EYS: variants seen among roughly 807,000 people sequenced by gnomAD.
The protein encoded by EYS is protein eyes shut homolog.
In EYS, 250 loss-of-function variants were observed where a neutral mutation model predicts 282.1. That is an observed-to-expected ratio of 0.89 (90% CI 0.80 to 0.98). The LOEUF is 0.98. Among genes scored for constraint, EYS ranks in the 50% least tolerant of loss-of-function variants. The pLI is 0.00. For synonymous variants in EYS, 1,355 were observed against 1,282.9 expected (o/e 1.06, Z -1.20); for missense variants, 4,016 against 3,709.0 (o/e 1.08, Z -2.15).
intron 16 of EYS, among the ~76,000 whole-genome samples, chr6:64,908,381 T>C (rs960395294): frequency 5.3e-5 from 8 of 152,062 alleles, no homozygotes; most frequent in South Asian, 2.1e-4. Context: ...AGTGCTCCTT[T>C]AGTTCCACCA....
chr6:64,105,456 A>C (rs1772977976), intron 31 of EYS, among the ~76,000 whole-genome samples: 1 of 152,102 alleles, frequency 6.6e-6, no homozygotes. Flanking sequence ...ACATCGTCAA[A>C]GTCTATAGTT....
At chr6:63,878,881 C>A (rs199897362) in intron 35 of EYS, among the ~76,000 whole-genome samples, 1 of 152,160 alleles carries the variant, frequency 6.6e-6, no homozygotes, top group African/African-American at 2.4e-5. Context: ...CTGTCATGGC[C>A]TCCCTTGGCT....
At chr6:64,261,025 G>A (rs955191408) in intron 30 of EYS, among the ~76,000 whole-genome samples, 10 of 151,106 alleles carry the variant, frequency 6.6e-5, no homozygotes, top group Admixed American at 6.6e-5. Flanking sequence ...TTTTGTGTTC[G>A]GAATATTCCA....
intron 36 of EYS, among the ~76,000 whole-genome samples, chr6:63,837,276 A>G (rs993783977): frequency 3.3e-5 from 5 of 152,108 alleles, no homozygotes; most frequent in South Asian, 4.1e-4. Context: ...AATTAAAAAC[A>G]GTTTGCAAAT....
rs946093624 is a variant in EYS, at chr6:64,438,980, A to T, written c.5835+182T>A. On this transcript the variant is annotated intron_variant, in intron 27 of 42. Transcript: ENST00000503581. ...TAAATCAGTTTTTTTGCTTAAAAAT[A>T]CTTGGTTGTTGTTGGTTCATATATA... Among the ~76,000 whole-genome samples the T allele has an allele frequency of 5.9e-5, 9 of 151,812 alleles. No individual in the cohort carries two copies. The East Asian group carries it at 1.7e-3, about 29-fold the overall frequency.
At chr6:65,373,378 C>T (rs1765235072) in intron 8 of EYS, among the ~76,000 whole-genome samples, 1 of 152,030 alleles carries the variant, frequency 6.6e-6, no homozygotes, top group Non-Finnish European at 1.5e-5. Flanking sequence ...AATACCACAT[C>T]ACCTTTTGCC....
intron 12 of EYS, among the ~76,000 whole-genome samples, chr6:65,209,316 A>G (rs1374990932): frequency 1.3e-5 from 2 of 151,558 alleles, no homozygotes; most frequent in Non-Finnish European, 3.0e-5. Context: ...AACTGAACTA[A>G]TCATAGTACT....
rs185388156 is a variant in EYS at position 64,490,404 on chromosome 6, T to A, written c.5645-51052A>T. ...AGAAGGTAATGTCTAACTGTTTAAT[T>A]TTGTCATACAAATCAATATTTTACA... On this transcript the variant is annotated intron_variant, in intron 26 of 42. Coordinates refer to ENST00000503581, the MANE Select transcript of EYS (RefSeq NM_001142800.2). 5.3e-5 allele frequency among the ~76,000 whole-genome samples: 8 copies of A among 151,104 alleles called. No homozygotes were observed. The South Asian group carries it at 1.2e-3, about 23-fold the overall frequency.
chr6:64,647,489 A>G (rs1768396919), intron 22 of EYS, among the ~76,000 whole-genome samples: 1 of 152,124 alleles, frequency 6.6e-6, no homozygotes, highest in Non-Finnish European at 1.5e-5. Context: ...CAACTTTATA[A>G]ACTATTAAAT....
intron 13 of EYS, among the ~76,000 whole-genome samples, chr6:65,012,754 G>A (rs1198604561): frequency 1.4e-5 from 2 of 140,682 alleles, no homozygotes; most frequent in Non-Finnish European, 3.0e-5. Flanking sequence ...CATAAAATAA[G>A]AGCAATAAAA....
At chr6:64,966,801 A>G (rs1412571356) in intron 14 of EYS, among the ~76,000 whole-genome samples, 5 of 152,192 alleles carry the variant, frequency 3.3e-5, no homozygotes, top group African/African-American at 1.2e-4. Context: ...AATGTCCTCA[A>G]TATCCTTAAT....
intron 31 of EYS, among the ~76,000 whole-genome samples, chr6:64,092,617 A>G: frequency 6.6e-6 from 1 of 151,922 alleles, no homozygotes; most frequent in Non-Finnish European, 1.5e-5. Context: ...TTTTTCTTGT[A>G]AATTTGTTTG....
intron 13 of EYS, among the ~76,000 whole-genome samples, chr6:65,049,799 C>G (rs547565763): frequency 6.6e-6 from 1 of 151,646 alleles, no homozygotes; most frequent in Non-Finnish European, 1.5e-5. Flanking sequence ...ATAAAACGTA[C>G]GGTATAGTTA....
chr6:64,845,602 G>C (rs931168721), intron 19 of EYS, among the ~76,000 whole-genome samples: 1 of 151,276 alleles, frequency 6.6e-6, no homozygotes, highest in Non-Finnish European at 1.5e-5. Context: ...TCCCAACTTC[G>C]GGAATTTCTT....
chr6:63,753,443 G>T (rs1769396366), intron 41 of EYS, among the ~76,000 whole-genome samples: 1 of 151,932 alleles, frequency 6.6e-6, no homozygotes, highest in African/African-American at 2.4e-5. Context: ...AAGTCCTGGA[G>T]ATTTTTAAAT....
At chr6:63,945,251 G>A (rs1765361795) in intron 35 of EYS, among the ~76,000 whole-genome samples, 2 of 152,104 alleles carry the variant, frequency 1.3e-5, no homozygotes, top group South Asian at 2.1e-4. Context: ...CATGGCGGCA[G>A]GAAGGAGAAG....
chr6:64,244,900 C>T (rs1187120797), intron 30 of EYS, among the ~76,000 whole-genome samples: 8 of 152,036 alleles, frequency 5.3e-5, no homozygotes, highest in Admixed American at 2.0e-4. Flanking sequence ...CATATGTATA[C>T]ATGTGCCATG....
chr6:65,560,772 A>C (rs1051611373), intron 2 of EYS, among the ~76,000 whole-genome samples: 2 of 152,134 alleles, frequency 1.3e-5, no homozygotes, highest in Non-Finnish European at 2.9e-5. Flanking sequence ...TACATTAAAG[A>C]GTATAAAGTG....
chr6:64,678,997 AC>A (rs1306256204), intron 22 of EYS, among the ~76,000 whole-genome samples: 40 of 152,088 alleles, frequency 2.6e-4, no homozygotes, highest in Admixed American at 3.9e-4. Context: ...AAAAAAAAAA[AC>A]ACTTTGATTT....
Sources: allele counts gnomAD v4.1 joint callset (sites outside exome capture counted in the v4.1 genomes callset), GRCh38; gene constraint gnomAD v4.1.1; transcripts MANE v1.5; gene names NCBI Gene and HGNC (gene_info 2026-07-23, HGNC 2026-07-21).